The following GRIK1 variants were observed in gnomAD, a reference collection of about 807,000 sequenced individuals.
GRIK1 encodes the protein glutamate receptor ionotropic, kainate 1.
GRIK1 carries 69 observed loss-of-function variants against 105.7 expected under a neutral mutation model. The observed-to-expected ratio is 0.65, with a 90% CI of 0.54 to 0.80. The LOEUF is 0.80. Ranked by LOEUF, GRIK1 falls within the 30% of genes least tolerant of loss-of-function variation. The probability of loss-of-function intolerance (pLI) is 0.00; values close to 1 mark genes in which losing one functional copy is unlikely to be tolerated. For synonymous variants in GRIK1, 438 were observed against 431.3 expected (o/e 1.02, Z -0.19); for missense variants, 1,109 against 1,167.3 (o/e 0.95, Z 0.73).
intron 1 of GRIK1, among the ~76,000 whole-genome samples, chr21:29,917,062 T>C (rs935180384): frequency 6.6e-6 from 1 of 152,026 alleles, no homozygotes; most frequent in Non-Finnish European, 1.5e-5. Flanking sequence ...TTTCTCATTA[T>C]GTTCAAACTC....
chr21:29,600,525 T>A (rs1191821006), intron 7 of GRIK1, among the ~76,000 whole-genome samples: 2 of 152,228 alleles, frequency 1.3e-5, no homozygotes, highest in Admixed American at 6.5e-5. Flanking sequence ...CTTAGCTGTT[T>A]TTCTCCCTCT....
chr21:29,937,429 C>A (rs566336471), intron 1 of GRIK1, among the ~76,000 whole-genome samples: 2 of 152,178 alleles, frequency 1.3e-5, no homozygotes, highest in African/African-American at 4.8e-5. Context: ...ACCTCATTAT[C>A]TTGTTGCATA....
At chr21:29,596,359 TGAGA>T in intron 9 of GRIK1, 163 bp downstream of exon 9, 1 of 739,880 alleles carries the variant, frequency 1.4e-6, no homozygotes, top group Admixed American at 1.9e-5. Flanking sequence ...GTGATGTTGT[TGAGA>T]GAGATAACAT....
At chr21:29,708,418 A>T (rs906247808) in intron 1 of GRIK1, among the ~76,000 whole-genome samples, 15 of 152,302 alleles carry the variant, frequency 9.8e-5, no homozygotes, top group African/African-American at 3.4e-4. Context: ...TGTTGATTAG[A>T]TTTTTGGGCA....
At chr21:29,868,856 T>A (rs372551819) in intron 1 of GRIK1, among the ~76,000 whole-genome samples, 7 of 152,326 alleles carry the variant, frequency 4.6e-5, no homozygotes, top group African/African-American at 1.4e-4. Flanking sequence ...ACACCTGCTT[T>A]CTAATAGGAT....
chr21:29,912,635 A>G (rs1345320312), intron 1 of GRIK1, among the ~76,000 whole-genome samples: 1 of 152,082 alleles, frequency 6.6e-6, no homozygotes, highest in Non-Finnish European at 1.5e-5. Context: ...TATTTATTCT[A>G]AAGCCCTGGA....
chr21:29,593,887 C>A (rs1181510049), intron 9 of GRIK1, among the ~76,000 whole-genome samples: 1 of 152,154 alleles, frequency 6.6e-6, no homozygotes, highest in South Asian at 2.1e-4. Flanking sequence ...GTTTTTCTTT[C>A]CTTTGCTATC....
Position 29,587,405 on chromosome 21 carries a change from G to A in GRIK1, c.1754C>T (p.Ala585Val). The A allele has an allele frequency of 1.2e-6, 2 of 1,613,560 alleles. No individual in the cohort carries two copies. Among genetic ancestry groups the A allele is most frequent in the Non-Finnish European group, 1.7e-6 (2 of 1,179,544 alleles). Reference protein sequence around the residue: ...SPDIWMYVLLACLGVSCVLFV... With the variant: ...SPDIWMYVLLVCLGVSCVLFV... Reference sequence around the variant, plus strand: ...GAGTACACAGCTGACTCCCAAGCAGGCTAAGAGCACATACATCCAAATATC... The same window carrying A: ...GAGTACACAGCTGACTCCCAAGCAGACTAAGAGCACATACATCCAAATATC... The change falls in exon 12 of 18, where the codon GCC becomes GTC. Residue 585 changes from alanine to valine, a missense_variant. Transcript: ENST00000327783.
In GRIK1 at chr21:29,689,753, C is replaced by T. The variant is rs1214668509; in HGVS notation, c.519G>A (p.Val173=). The change falls in exon 3 of 18, where the codon GTG becomes GTA. Residue 173 remains valine, a synonymous_variant. Coordinates refer to ENST00000327783, the MANE Select transcript of GRIK1 (RefSeq NM_001330994.2). The part of the protein sequence containing the change: ...DLVLYYNWKT[V]TVVYEDSTGL... ...CTGTGCTGTCTTCATACACCACTGT[C>T]ACTGTTTTCCAGTTGTAATAGAGGA... The T allele has an allele frequency of 1.2e-6, 2 of 1,613,922 alleles. No homozygotes were observed. Among genetic ancestry groups the T allele is most frequent in the South Asian group, 1.1e-5 (1 of 91,040 alleles).
intron 1 of GRIK1, among the ~76,000 whole-genome samples, chr21:29,785,026 A>G (rs1051444314): frequency 6.6e-6 from 1 of 152,204 alleles, no homozygotes; most frequent in Non-Finnish European, 1.5e-5. Flanking sequence ...AAGTTGCAGC[A>G]AAACAAAACA....
At chr21:29,568,132 C>G (rs1004402427) in intron 14 of GRIK1, among the ~76,000 whole-genome samples, 3 of 152,144 alleles carry the variant, frequency 2.0e-5, no homozygotes, top group East Asian at 1.9e-4. Context: ...AATCTTCCAG[C>G]CTTTGAAAAA....
chr21:29,786,652 T>A (rs912823470), intron 1 of GRIK1, among the ~76,000 whole-genome samples: 3 of 152,194 alleles, frequency 2.0e-5, no homozygotes, highest in African/African-American at 7.2e-5. Flanking sequence ...GTTAATAAAT[T>A]TCCTGTGAAA....
intron 1 of GRIK1, among the ~76,000 whole-genome samples, chr21:29,728,932 G>C (rs1343160635): frequency 6.6e-6 from 1 of 152,156 alleles, no homozygotes; most frequent in Non-Finnish European, 1.5e-5. Context: ...AGGAAAACTT[G>C]ATTAGCATGA....
At chr21:29,686,479 C>T (rs2063488624) in intron 3 of GRIK1, among the ~76,000 whole-genome samples, 2 of 152,216 alleles carry the variant, frequency 1.3e-5, no homozygotes, top group African/African-American at 4.8e-5. Context: ...GCTGAACCCA[C>T]TTCATATGTG....
At chr21:29,938,871 T>C (rs1348726501) in intron 1 of GRIK1, among the ~76,000 whole-genome samples, 1 of 151,906 alleles carries the variant, frequency 6.6e-6, no homozygotes, top group African/African-American at 2.4e-5. Flanking sequence ...GCATAAAAAC[T>C]TGGAGGCTCT....
At chr21:29,717,192 T>C (rs988001129) in intron 1 of GRIK1, among the ~76,000 whole-genome samples, 9 of 152,256 alleles carry the variant, frequency 5.9e-5, no homozygotes, top group Admixed American at 6.5e-5. Context: ...CAGAAGTCTA[T>C]TCTAGGGGTG....
chr21:29,808,710 T>C (rs1394406726), intron 1 of GRIK1, among the ~76,000 whole-genome samples: 1 of 152,212 alleles, frequency 6.6e-6, no homozygotes, highest in Non-Finnish European at 1.5e-5. Context: ...ATACCACTTA[T>C]GCATAATTCC....
At chr21:29,697,660 T>C (rs1172794664) in intron 1 of GRIK1, among the ~76,000 whole-genome samples, 2 of 152,122 alleles carry the variant, frequency 1.3e-5, no homozygotes, top group Non-Finnish European at 2.9e-5. Context: ...GAGAAAGTTA[T>C]TAATAGGAGC....
intron 12 of GRIK1, among the ~76,000 whole-genome samples, chr21:29,584,038 G>A (rs1010609846): frequency 1.3e-5 from 2 of 152,122 alleles, no homozygotes; most frequent in South Asian, 4.1e-4. Flanking sequence ...GACAAAACTT[G>A]CATATAGAAG....
Sources: gnomAD v4.1 joint callset for allele counts (sites outside exome capture counted in the v4.1 genomes callset) on GRCh38, gnomAD v4.1.1 for gene constraint, MANE v1.5 for transcripts, NCBI Gene and HGNC (gene_info 2026-07-23, HGNC 2026-07-21) for gene names.